Variants in FAM13A observed in about 807,000 individuals in gnomAD.
The protein encoded by FAM13A is protein FAM13A.
In FAM13A, 76 loss-of-function variants were observed where a neutral mutation model predicts 129.6. The observed-to-expected ratio is 0.59, with a 90% CI of 0.49 to 0.71. FAM13A has a LOEUF of 0.71. Ranked by LOEUF, FAM13A falls within the 30% of genes least tolerant of loss-of-function variation. The pLI is 0.00. For synonymous variants in FAM13A, 443 were observed against 449.9 expected, an observed-to-expected ratio of 0.98 and a Z score of 0.20; for missense variants, 1,108 against 1,249.3, an observed-to-expected ratio of 0.89 and a Z score of 1.70.
At chr4:89,042,714 A>G (rs961613061) in intron 1 of FAM13A, among the ~76,000 whole-genome samples, 6 of 152,148 alleles carry the variant, frequency 3.9e-5, no homozygotes, top group Middle Eastern at 6.8e-3. Flanking sequence ...AAAGTTTAAG[A>G]AAAGATTTTT....
chr4:88,757,328 T>TA (rs1290723295), intron 14 of FAM13A, among the ~76,000 whole-genome samples: 1 of 152,226 alleles, frequency 6.6e-6, no homozygotes, highest in Non-Finnish European at 1.5e-5. Context: ...TCCTAGTTTT[T>TA]ATCTAGAGCT....
At chr4:88,737,810 C>G (rs188427963) in intron 20 of FAM13A, among the ~76,000 whole-genome samples, 1 of 152,292 alleles carries the variant, frequency 6.6e-6, no homozygotes, top group Non-Finnish European at 1.5e-5. Context: ...ATCCGGCAGA[C>G]ACGCAGAAGA....
intron 19 of FAM13A, among the ~76,000 whole-genome samples, chr4:88,744,552 T>C (rs556601716): frequency 6.6e-6 from 1 of 152,290 alleles, no homozygotes; most frequent in Non-Finnish European, 1.5e-5. Flanking sequence ...TCAGTATCTG[T>C]AGACTCAGAA....
Position 89,050,607 on chromosome 4 carries a change from G to A in FAM13A, c.27+6331C>T, listed in dbSNP as rs1050912329. Among the ~76,000 whole-genome samples, 7 of 151,880 alleles carry A rather than the reference G, an allele frequency of 4.6e-5. No individual in the cohort carries two copies. In the South Asian group the frequency reaches 6.3e-4, roughly 14 times the overall value. ...TTTAGAAAACCTAACTGTAGTCTGC[G>A]TGGGATGAATCTGATACCAAACATC... On this transcript the variant is annotated intron_variant, in intron 1 of 23. Coordinates refer to ENST00000264344, the MANE Select transcript of FAM13A (RefSeq NM_014883.4).
intron 4 of FAM13A, among the ~76,000 whole-genome samples, chr4:88,953,258 C>T (rs1757227321): frequency 6.6e-6 from 1 of 151,928 alleles, no homozygotes; most frequent in Admixed American, 6.6e-5. Flanking sequence ...AGTTCGAGAC[C>T]AGCCTGGCCA....
intron 7 of FAM13A, among the ~76,000 whole-genome samples, chr4:88,816,598 T>C (rs1730779653): frequency 6.6e-6 from 1 of 152,060 alleles, no homozygotes; most frequent in African/African-American, 2.4e-5. Context: ...AGGTCAGGAG[T>C]TCAGTTTCCT....
intron 19 of FAM13A, among the ~76,000 whole-genome samples, chr4:88,739,553 T>C (rs1242315196): frequency 1.3e-5 from 2 of 149,388 alleles, no homozygotes; most frequent in African/African-American, 4.9e-5. Context: ...GGTGGGCAGA[T>C]CACCTGAGGT....
chr4:88,928,026 G>A (rs1286060544), intron 5 of FAM13A, among the ~76,000 whole-genome samples: 1 of 151,842 alleles, frequency 6.6e-6, no homozygotes, highest in African/African-American at 2.4e-5. Flanking sequence ...TCCTGTGTAT[G>A]GTGTGTTTTC....
At chr4:88,824,296 A>G (rs766343479) in intron 7 of FAM13A, among the ~76,000 whole-genome samples, 4 of 152,222 alleles carry the variant, frequency 2.6e-5, no homozygotes, top group African/African-American at 4.8e-5. Flanking sequence ...GCTTGTAGGC[A>G]TGAGGTATCC....
intron 21 of FAM13A, among the ~76,000 whole-genome samples, chr4:88,735,036 G>A: frequency 6.6e-6 from 1 of 152,206 alleles, no homozygotes; most frequent in East Asian, 1.9e-4. Context: ...GCAGAGCTAG[G>A]AGACCACTGA....
chr4:88,726,794 T>C lies in FAM13A; in HGVS notation c.*1739A>G, dbSNP rs187431686. 5 of 152,764 alleles carry C rather than the reference T, an allele frequency of 3.3e-5. No individual in the cohort carries two copies. The highest frequency in any genetic ancestry group is 1.2e-4 in the African/African-American group (5 of 41,564). 9.5% of individuals were successfully genotyped at this position (152,764 alleles called of 1,614,324 possible). A position where few individuals can be genotyped will look rare whatever the true frequency, so the allele number is the denominator to read the frequency against. On this transcript the variant is annotated 3_prime_UTR_variant, in exon 24 of 24. Coordinates refer to ENST00000264344, the MANE Select transcript of FAM13A (RefSeq NM_014883.4). ...GTAGAGCAAAGAATTCCAAACTATA[T>C]TTTTATGTACATTTAAACCTGTAGG...
chr4:89,028,566 C>G (rs982688812), intron 2 of FAM13A, among the ~76,000 whole-genome samples: 2 of 151,938 alleles, frequency 1.3e-5, no homozygotes, highest in African/African-American at 4.8e-5. Context: ...CAGAACACAC[C>G]TGTGGTCCCA....
At chr4:88,901,852 G>T (rs1221404506) in intron 6 of FAM13A, among the ~76,000 whole-genome samples, 1 of 151,876 alleles carries the variant, frequency 6.6e-6, no homozygotes, top group Non-Finnish European at 1.5e-5. Flanking sequence ...CCACTAGCTA[G>T]ACTAATAAAG....
In FAM13A at chr4:89,025,263, T is replaced by TA. The variant is rs1560852119; in HGVS notation, c.217+4196_217+4197insT. Among the ~76,000 whole-genome samples the TA allele has an allele frequency of 7.8e-3, 979 of 125,936 alleles. 25 individuals carry two copies. The highest frequency in any genetic ancestry group is 0.026 in the African/African-American group (933 of 35,464). 82.6% of individuals were successfully genotyped at this position (125,936 alleles called of 152,430 possible). A position where few individuals can be genotyped will look rare whatever the true frequency, so the allele number is the denominator to read the frequency against. On this transcript the variant is annotated intron_variant, in intron 2 of 23. Coordinates refer to ENST00000264344, the MANE Select transcript of FAM13A (RefSeq NM_014883.4). ...AATCATTGTTTTTTTTTTTTTTTTT[T>TA]TTTTTTTTTTTTGAGACGGAGTCTC...
chr4:88,819,817 G>A (rs1315291691), intron 7 of FAM13A, among the ~76,000 whole-genome samples: 1 of 152,044 alleles, frequency 6.6e-6, no homozygotes, highest in Non-Finnish European at 1.5e-5. Flanking sequence ...AAATATTTTA[G>A]TATTTTAAAA....
In FAM13A at chr4:88,790,614, G is replaced by T. The variant is rs765220770; in HGVS notation, c.1063C>A (p.Gln355Lys). 2.5e-6 allele frequency: 4 copies of T among 1,610,904 alleles called. No homozygotes were observed. The Admixed American group carries it at 6.7e-5, about 27-fold the overall frequency. Residue 355 changes from glutamine to lysine, a missense_variant, in exon 9 of 24, where the codon CAA becomes AAA. By Grantham distance (53) the Gln-to-Lys change is moderately conservative. Coordinates refer to ENST00000264344, the MANE Select transcript of FAM13A (RefSeq NM_014883.4). Reference sequence around the variant, plus strand: ...CCGGTTGCAGACACATTGCTGACTTGGGGTACATGAGCACTGCAGAAAAGA... The same window carrying T: ...CCGGTTGCAGACACATTGCTGACTTTGGGTACATGAGCACTGCAGAAAAGA... ...SPFYLSAHVP[Q>K]VSNVSATGEL...
At chr4:88,904,333 T>C (rs1013456373) in intron 6 of FAM13A, among the ~76,000 whole-genome samples, 3 of 152,082 alleles carry the variant, frequency 2.0e-5, no homozygotes, top group Non-Finnish European at 2.9e-5. Flanking sequence ...TTCACTGCAG[T>C]ACTACTTACA....
intron 1 of FAM13A, among the ~76,000 whole-genome samples, chr4:89,046,686 CA>C (rs11314986): frequency 0.6 from 91,181 of 151,722 alleles, 28,062 homozygotes; most frequent in Middle Eastern, 0.69. Flanking sequence ...CTCTTTTCTG[CA>C]AAAAAATACA....
intron 19 of FAM13A, among the ~76,000 whole-genome samples, chr4:88,744,492 G>T (rs78698922): frequency 2.6e-5 from 4 of 152,200 alleles, no homozygotes; most frequent in Admixed American, 6.5e-5. Context: ...GTACAGAAGC[G>T]GCTGATTACA....
Sources: gnomAD v4.1 joint callset for allele counts (sites outside exome capture counted in the v4.1 genomes callset) on GRCh38, gnomAD v4.1.1 for gene constraint, MANE v1.5 for transcripts, NCBI Gene and HGNC (gene_info 2026-07-23, HGNC 2026-07-21) for gene names.